Variants in MED13L observed in about 807,000 individuals in gnomAD.
MED13L encodes the protein mediator of RNA polymerase II transcription subunit 13-like.
A neutral mutation model predicts 220.9 loss-of-function variants in MED13L; 7 were observed. That is an observed-to-expected ratio of 0.03 (90% CI 0.02 to 0.06). The LOEUF (loss-of-function observed/expected upper bound fraction) is 0.06, where lower values mean the gene tolerates loss of function less well. Among genes scored for constraint, MED13L ranks in the 10% least tolerant of loss-of-function variants. The probability of loss-of-function intolerance (pLI) is 1.00; values close to 1 mark genes in which losing one functional copy is unlikely to be tolerated. For synonymous variants in MED13L, 1,011 were observed against 1,015.2 expected, an observed-to-expected ratio of 1.00 and a Z score of 0.08; for missense variants, 1,965 against 2,760.5, an observed-to-expected ratio of 0.71 and a Z score of 6.46.
chr12:116,231,633 A>G (rs1390420503), intron 2 of MED13L, among the ~76,000 whole-genome samples: 1 of 152,168 alleles, frequency 6.6e-6, no homozygotes, highest in Non-Finnish European at 1.5e-5. Flanking sequence ...AAATTTGAAT[A>G]TGGACTAAAT....
chr12:116,240,359 A>G (rs749740639), intron 1 of MED13L, among the ~76,000 whole-genome samples: 1 of 152,064 alleles, frequency 6.6e-6, no homozygotes, highest in Non-Finnish European at 1.5e-5. Flanking sequence ...GGCCTCCCAA[A>G]GTGCTGGGAT....
At chr12:115,999,249 T>C (rs1238011150) in intron 14 of MED13L, among the ~76,000 whole-genome samples, 1 of 152,020 alleles carries the variant, frequency 6.6e-6, no homozygotes, top group Non-Finnish European at 1.5e-5. Flanking sequence ...CCTGTCTCTA[T>C]TAAATAAATA....
chr12:116,243,036 TAA>T (rs781552500), intron 1 of MED13L, among the ~76,000 whole-genome samples: 40 of 152,220 alleles, frequency 2.6e-4, no homozygotes, highest in Non-Finnish European at 4.4e-4. Flanking sequence ...AAAACTGGTA[TAA>T]GAGTGCCCAC....
At chr12:116,231,538 CA>C (rs1452907341) in intron 2 of MED13L, among the ~76,000 whole-genome samples, 1 of 152,062 alleles carries the variant, frequency 6.6e-6, no homozygotes, top group Non-Finnish European at 1.5e-5. Flanking sequence ...TGAGAGGACA[CA>C]AGCCATCTAA....
intron 2 of MED13L, among the ~76,000 whole-genome samples, chr12:116,115,840 G>A (rs1364301987): frequency 6.6e-6 from 1 of 152,028 alleles, no homozygotes; most frequent in Non-Finnish European, 1.5e-5. Context: ...TGGCTTAAAA[G>A]AAAAACTGAC....
intron 14 of MED13L, among the ~76,000 whole-genome samples, chr12:115,999,009 G>A (rs1415092992): frequency 1.3e-5 from 2 of 151,968 alleles, no homozygotes; most frequent in East Asian, 1.9e-4. Flanking sequence ...CTATTTGAGA[G>A]GCTACATAAC....
In MED13L at chr12:116,256,513, C is replaced by A. The variant is rs375716716; in HGVS notation, c.73-18808G>T. ...TTTTGCATCATAAAAATGTTCTCTA[C>A]TTTGATTTCAGTGGTTTCACAGATA... is the stretch of plus-strand genomic sequence containing the variant. On this transcript the variant is annotated intron_variant, in intron 1 of 30. Transcript: ENST00000281928. Among the ~76,000 whole-genome samples the A allele has an allele frequency of 5.9e-5, 9 of 152,086 alleles. 4 individuals carry two copies. The highest frequency in any genetic ancestry group is 2.2e-4 in the African/African-American group (9 of 41,500).
At chr12:116,207,975 A>G (rs1315602614) in intron 2 of MED13L, among the ~76,000 whole-genome samples, 1 of 152,230 alleles carries the variant, frequency 6.6e-6, no homozygotes, top group East Asian at 1.9e-4. Context: ...CAAGATAAGA[A>G]GGGAACATGT....
chr12:116,218,957 A>C (rs1883160685), intron 2 of MED13L, among the ~76,000 whole-genome samples: 1 of 152,158 alleles, frequency 6.6e-6, no homozygotes, highest in African/African-American at 2.4e-5. Context: ...GCTGGTCTCA[A>C]ACTCCTGACC....
chr12:116,249,586 T>C (rs1565948964), intron 1 of MED13L, among the ~76,000 whole-genome samples: 1 of 151,972 alleles, frequency 6.6e-6, no homozygotes, highest in Non-Finnish European at 1.5e-5. Context: ...GCAGCTATTA[T>C]AAATATGGTC....
intron 2 of MED13L, among the ~76,000 whole-genome samples, chr12:116,214,508 A>G (rs1481249000): frequency 6.6e-6 from 1 of 152,180 alleles, no homozygotes; most frequent in African/African-American, 2.4e-5. Context: ...GAACCTAATC[A>G]AACACAAAAT....
intron 14 of MED13L, among the ~76,000 whole-genome samples, chr12:116,000,126 T>A (rs761908849): frequency 6.6e-6 from 1 of 152,270 alleles, no homozygotes; most frequent in African/African-American, 2.4e-5. Flanking sequence ...CAAACCTGGA[T>A]TGGAAAAAGA....
At chr12:116,119,639 A>T (rs568588271) in intron 2 of MED13L, among the ~76,000 whole-genome samples, 4 of 151,426 alleles carry the variant, frequency 2.6e-5, no homozygotes, top group East Asian at 1.9e-4. Flanking sequence ...TCCAGCTCTT[A>T]AAAAAACTTT....
intron 23 of MED13L, among the ~76,000 whole-genome samples, chr12:115,979,615 C>T (rs1385332836): frequency 6.6e-6 from 1 of 152,190 alleles, no homozygotes; most frequent in Non-Finnish European, 1.5e-5. Context: ...ATTTTTCACT[C>T]CCAAGCATTT....
chr12:116,153,339 T>C (rs1387484866), intron 2 of MED13L, among the ~76,000 whole-genome samples: 1 of 152,072 alleles, frequency 6.6e-6, no homozygotes, highest in Non-Finnish European at 1.5e-5. Context: ...AAAGCCAAAA[T>C]GTGGAACAAA....
chr12:116,109,833 A>C (rs1873923028), intron 3 of MED13L, among the ~76,000 whole-genome samples: 1 of 152,170 alleles, frequency 6.6e-6, no homozygotes, highest in Non-Finnish European at 1.5e-5. Context: ...TTCTAGGTCT[A>C]CTCCAAAAGA....
At chr12:116,217,612 C>T (rs1565933319) in intron 2 of MED13L, among the ~76,000 whole-genome samples, 1 of 152,170 alleles carries the variant, frequency 6.6e-6, no homozygotes, top group African/African-American at 2.4e-5. Context: ...GGCAAAAACA[C>T]GAACAGAGGA....
chr12:116,101,842 A>G (rs561077575), intron 3 of MED13L, among the ~76,000 whole-genome samples: 2 of 152,310 alleles, frequency 1.3e-5, no homozygotes, highest in African/African-American at 2.4e-5. Flanking sequence ...TCAGGCAAAA[A>G]CTGTTTCAAA....
intron 2 of MED13L, among the ~76,000 whole-genome samples, chr12:116,221,060 TA>T (rs967191771): frequency 3.3e-5 from 5 of 151,986 alleles, no homozygotes; most frequent in African/African-American, 4.8e-5. Flanking sequence ...ATGAGTTTAA[TA>T]AACACAAAAG....
Sources: allele counts gnomAD v4.1 joint callset (sites outside exome capture counted in the v4.1 genomes callset), GRCh38; gene constraint gnomAD v4.1.1; transcripts MANE v1.5; gene names NCBI Gene and HGNC (gene_info 2026-07-23, HGNC 2026-07-21).